The following RIN2 variants were observed in gnomAD, a reference collection of about 807,000 sequenced individuals.
RIN2 encodes the protein Ras and Rab interactor 2, also known as RAB5 interacting protein 2.
Under a neutral mutation model 78.0 loss-of-function variants are expected in RIN2, and 36 were observed. The observed-to-expected ratio is 0.46, with a 90% CI of 0.35 to 0.61. The LOEUF (loss-of-function observed/expected upper bound fraction) is 0.61. RIN2 is among the 20% of genes least tolerant of loss of function. RIN2 has a pLI of 0.00. For missense variants in RIN2, 1,087 were observed against 1,159.7 expected (o/e 0.94, Z 0.91); for synonymous variants, 466 against 466.8 (o/e 1.00, Z 0.02).
intron 5 of RIN2, among the ~76,000 whole-genome samples, chr20:19,958,138 A>G (rs1159040890): frequency 6.6e-6 from 1 of 152,214 alleles, no homozygotes; most frequent in Non-Finnish European, 1.5e-5. Context: ...ATCTTTCTTT[A>G]TTCCTCATCA....
At chr20:19,882,406 C>G (rs373357849) in intron 2 of RIN2, among the ~76,000 whole-genome samples, 1 of 152,098 alleles carries the variant, frequency 6.6e-6, no homozygotes, top group Admixed American at 6.6e-5. Flanking sequence ...AAATGAATAG[C>G]TATATGAAAA....
chr20:19,842,841 C>G (rs368717640), intron 2 of RIN2, among the ~76,000 whole-genome samples: 26 of 151,816 alleles, frequency 1.7e-4, no homozygotes, highest in African/African-American at 5.8e-4. Flanking sequence ...TGGATCTGAG[C>G]AAAATACATT....
chr20:19,976,474 TG>T lies in RIN2; in HGVS notation c.1762+689del, dbSNP rs528334584. Among the ~76,000 whole-genome samples, 497 of 152,358 alleles carry T rather than the reference TG, an allele frequency of 3.3e-3. 4 individuals carry two copies. Among genetic ancestry groups the T allele is most frequent in the African/African-American group, 0.011 (474 of 41,588 alleles). On this transcript the variant is annotated intron_variant, in intron 9 of 12. Transcript: ENST00000255006. ...TAACTTTAAAATAAGTAACATAGTTTGGAGGTCACATGAAAGGTGTTTTCTC... is the reference window on the plus strand; with the variant it reads ...TAACTTTAAAATAAGTAACATAGTTTGAGGTCACATGAAAGGTGTTTTCTC...
At chr20:19,991,294 T>A (rs1423255231) in intron 10 of RIN2, among the ~76,000 whole-genome samples, 2 of 152,220 alleles carry the variant, frequency 1.3e-5, no homozygotes, top group African/African-American at 2.4e-5. Flanking sequence ...ATATTTTCTA[T>A]AGTTCACAGT....
chr20:19,923,293 G>A (rs1463797250), intron 3 of RIN2, among the ~76,000 whole-genome samples: 1 of 151,852 alleles, frequency 6.6e-6, no homozygotes, highest in African/African-American at 2.4e-5. Context: ...GCGGGCGCCT[G>A]TAGTCTCAGC....
intron 3 of RIN2, among the ~76,000 whole-genome samples, chr20:19,895,513 T>A (rs2038681678): frequency 6.6e-6 from 1 of 152,098 alleles, no homozygotes; most frequent in African/African-American, 2.4e-5. Context: ...TGAGAGTTGC[T>A]CTTACTAGAC....
chr20:19,851,631 A>C (rs1259253465), intron 2 of RIN2, among the ~76,000 whole-genome samples: 1 of 152,002 alleles, frequency 6.6e-6, no homozygotes, highest in African/African-American at 2.4e-5. Flanking sequence ...CTAAGGTGGG[A>C]AGATCGCTTA....
intron 9 of RIN2, among the ~76,000 whole-genome samples, chr20:19,988,874 A>T (rs1461284668): frequency 1.4e-5 from 2 of 147,676 alleles, no homozygotes; most frequent in Admixed American, 6.6e-5. Flanking sequence ...ACTTCGCCAC[A>T]TCTGCCTCAT....
At chr20:19,905,180 G>T (rs888211833) in intron 3 of RIN2, among the ~76,000 whole-genome samples, 4 of 152,090 alleles carry the variant, frequency 2.6e-5, no homozygotes, top group African/African-American at 9.7e-5. Context: ...TTCAGAATCT[G>T]CTCAGCAAAA....
chr20:19,801,470 A>G (rs77551089), intron 2 of RIN2, among the ~76,000 whole-genome samples: 11,494 of 151,794 alleles, frequency 0.076, 420 homozygotes, highest in South Asian at 0.11. Context: ...ACAGGCCCCC[A>G]CCACCACGCC....
At chr20:19,774,772 A>G (rs1023018363) in intron 1 of RIN2, among the ~76,000 whole-genome samples, 2 of 152,210 alleles carry the variant, frequency 1.3e-5, no homozygotes, top group African/African-American at 4.8e-5. Context: ...ATTTGGTGTT[A>G]CAAAGTTCAC....
chr20:19,841,525 T>C (rs375314529), intron 2 of RIN2, among the ~76,000 whole-genome samples: 8 of 152,242 alleles, frequency 5.3e-5, no homozygotes, highest in African/African-American at 1.9e-4. Flanking sequence ...AGTGTTCATG[T>C]TTATTTGGGG....
chr20:19,820,279 A>G (rs1278045066), intron 2 of RIN2, among the ~76,000 whole-genome samples: 1 of 152,196 alleles, frequency 6.6e-6, no homozygotes, highest in Non-Finnish European at 1.5e-5. Context: ...GCCTGATTCT[A>G]AATAAGGTCA....
chr20:19,844,600 CCTCTTCTTCTTCTTCTTCTTCTTCT>C (rs2036683215), intron 2 of RIN2, among the ~76,000 whole-genome samples: 1 of 74,812 alleles, frequency 1.3e-5, no homozygotes, highest in Non-Finnish European at 2.9e-5. Context: ...GCTGCTTCTT[CCTCTTCTTCTTCTTCTTCTTCTTCT>C]TCTTCTTCTT....
At position 19,990,083 on chromosome 20, in the gene RIN2, T is replaced by G; in HGVS notation, c.1840T>G (p.Phe614Val). ...KGHVEAMLKD[F>V]HMADGSWKQL... Reference sequence around the variant, plus strand: ...GCACGTGGAGGCCATGCTGAAGGACTTTCACATGGCCGATGGCTCATGGAA... The same window carrying G: ...GCACGTGGAGGCCATGCTGAAGGACGTTCACATGGCCGATGGCTCATGGAA... The change falls in exon 10 of 13, where the codon TTT becomes GTT. Residue 614 changes from phenylalanine to valine, a missense_variant. By Grantham distance (50) the Phe-to-Val change is conservative (BLOSUM62 -1). Coordinates refer to ENST00000255006, the MANE Select transcript of RIN2 (RefSeq NM_018993.4). The G allele has an allele frequency of 6.3e-7, 1 of 1,599,364 alleles. No homozygotes were observed. The highest frequency in any genetic ancestry group is 8.5e-7 in the Non-Finnish European group (1 of 1,172,848).
In RIN2 at chr20:19,878,988, A is replaced by T. The variant is rs181922402; in HGVS notation, c.-36-10578A>T. 2.2e-3 allele frequency among the ~76,000 whole-genome samples: 342 copies of T among 152,334 alleles called. 3 individuals carry two copies. Among genetic ancestry groups the T allele is most frequent in the African/African-American group, 8.1e-3 (335 of 41,576 alleles). On this transcript the variant is annotated intron_variant, in intron 2 of 12. Transcript: ENST00000255006. Reference sequence around the variant, plus strand: ...GGAAGGAGTCAGACGTCTGAACAAGAGGATGGGGTGAGGTAGAACATTGAG... The same window carrying T: ...GGAAGGAGTCAGACGTCTGAACAAGTGGATGGGGTGAGGTAGAACATTGAG...
At chr20:19,985,686 A>G (rs973921667) in intron 9 of RIN2, among the ~76,000 whole-genome samples, 1 of 152,220 alleles carries the variant, frequency 6.6e-6, no homozygotes, top group Non-Finnish European at 1.5e-5. Flanking sequence ...AACCTGGGCA[A>G]CATAGTGAGA....
chr20:19,767,623 C>A (rs1213767963), intron 1 of RIN2, among the ~76,000 whole-genome samples: 1 of 151,992 alleles, frequency 6.6e-6, no homozygotes, highest in Non-Finnish European at 1.5e-5. Context: ...TATGGCACCA[C>A]TTAGAATGCG....
chr20:19,899,832 C>T (rs565186803), intron 3 of RIN2, among the ~76,000 whole-genome samples: 8 of 152,264 alleles, frequency 5.3e-5, no homozygotes, highest in East Asian at 1.9e-4. Context: ...ATATTCTATT[C>T]GTTAGAAGCC....
Sources: allele counts gnomAD v4.1 joint callset (sites outside exome capture counted in the v4.1 genomes callset), GRCh38; gene constraint gnomAD v4.1.1; transcripts MANE v1.5; gene names NCBI Gene and HGNC (gene_info 2026-07-23, HGNC 2026-07-21).